Variants in OPCML observed in about 807,000 individuals in gnomAD.
The protein encoded by OPCML is opioid binding protein/cell adhesion molecule like, also known as opioid-binding protein/cell adhesion molecule.
Under a neutral mutation model 37.8 loss-of-function variants are expected in OPCML, and 13 were observed. The ratio of observed to expected loss-of-function variants is 0.34; its 90% CI spans 0.22 to 0.55. The LOEUF (loss-of-function observed/expected upper bound fraction) is 0.55, where lower values mean the gene tolerates loss of function less well. Ranked by LOEUF, OPCML falls within the 20% of genes least tolerant of loss-of-function variation. The probability of loss-of-function intolerance (pLI) is 0.91; values close to 1 mark genes in which losing one functional copy is unlikely to be tolerated. For synonymous variants in OPCML, 176 were observed against 168.8 expected (o/e 1.04, Z -0.33); for missense variants, 341 against 435.6 (o/e 0.78, Z 1.93).
chr11:132,616,528 A>G (rs1284993692), intron 3 of OPCML, among the ~76,000 whole-genome samples: 1 of 152,218 alleles, frequency 6.6e-6, no homozygotes, highest in African/African-American at 2.4e-5. Flanking sequence ...AATGCATAAA[A>G]TAAGGGAGTA....
chr11:132,554,745 G>A, intron 3 of OPCML, among the ~76,000 whole-genome samples: 1 of 151,966 alleles, frequency 6.6e-6, no homozygotes, highest in Non-Finnish European at 1.5e-5. Flanking sequence ...ATACAAAGGA[G>A]GACCCTATGA....
In OPCML at chr11:132,851,215, T is replaced by A. The variant is rs183430320; in HGVS notation, c.146+91711A>T. Among the ~76,000 whole-genome samples the A allele has an allele frequency of 1.1e-4, 17 of 152,350 alleles. No individual in the cohort carries two copies. The East Asian group carries it at 1.7e-3, about 16-fold the overall frequency. ...TGAAATATCCTTTTCACTCAACATT[T>A]CTTCCAATTTGTGTTAGTTGTTAGA... On this transcript the variant is annotated intron_variant, in intron 2 of 7. Coordinates refer to ENST00000524381, the MANE Select transcript of OPCML (RefSeq NM_001012393.5).
At chr11:132,783,924 G>A (rs1167229930) in intron 2 of OPCML, among the ~76,000 whole-genome samples, 5 of 152,238 alleles carry the variant, frequency 3.3e-5, no homozygotes, top group Admixed American at 2.0e-4. Flanking sequence ...TTACTTTTAG[G>A]TGGATATTTT....
chr11:132,893,790 A>G (rs759888150), intron 2 of OPCML, among the ~76,000 whole-genome samples: 4 of 152,244 alleles, frequency 2.6e-5, no homozygotes, highest in East Asian at 1.9e-4. Flanking sequence ...AAAGAATTTC[A>G]TATTAAACCA....
At chr11:132,725,743 TG>T (rs1454125521) in intron 2 of OPCML, among the ~76,000 whole-genome samples, 4 of 147,064 alleles carry the variant, frequency 2.7e-5, no homozygotes, top group Non-Finnish European at 5.9e-5. Flanking sequence ...ATCACGCCAC[TG>T]CACTCCAGCC....
chr11:133,458,596 CGT>C (rs375652958), intron 1 of OPCML, among the ~76,000 whole-genome samples: 2,226 of 95,664 alleles, frequency 0.023, 250 homozygotes, highest in Middle Eastern at 0.083. Context: ...CATATATACA[CGT>C]GTGTGTGTGT....
intron 2 of OPCML, among the ~76,000 whole-genome samples, chr11:132,847,333 G>GT (rs1405666959): frequency 6.6e-6 from 1 of 152,026 alleles, no homozygotes; most frequent in Admixed American, 6.6e-5. Flanking sequence ...TTGCATTAGA[G>GT]TAAGAGGTAT....
At chr11:132,969,021 T>G (rs1946279350) in intron 1 of OPCML, among the ~76,000 whole-genome samples, 1 of 152,086 alleles carries the variant, frequency 6.6e-6, no homozygotes, top group Non-Finnish European at 1.5e-5. Context: ...TTTCCATAGG[T>G]TTTTGGAAAC....
chr11:133,413,601 C>A (rs947937825), intron 1 of OPCML, among the ~76,000 whole-genome samples: 1 of 152,274 alleles, frequency 6.6e-6, no homozygotes, highest in Admixed American at 6.5e-5. Flanking sequence ...TGAAGGACAA[C>A]TGAATGGCTC....
At chr11:132,479,615 A>C (rs1395876121) in intron 4 of OPCML, among the ~76,000 whole-genome samples, 2 of 152,252 alleles carry the variant, frequency 1.3e-5, no homozygotes, top group East Asian at 3.8e-4. Flanking sequence ...CTGCAGACTT[A>C]AATGTCCCTG....
At chr11:132,898,474 A>G (rs1206963889) in intron 2 of OPCML, among the ~76,000 whole-genome samples, 1 of 152,180 alleles carries the variant, frequency 6.6e-6, no homozygotes, top group Non-Finnish European at 1.5e-5. Context: ...CACTAATCTT[A>G]CCATGCGTCC....
At chr11:132,439,712 T>C (rs11223071) in intron 4 of OPCML, among the ~76,000 whole-genome samples, 9,270 of 150,032 alleles carry the variant, frequency 0.062, 442 homozygotes, top group South Asian at 0.16. Context: ...TTTTTTTTTT[T>C]CCTGAAAGAA....
At chr11:132,798,185 C>T (rs765953183) in intron 2 of OPCML, among the ~76,000 whole-genome samples, 8 of 152,134 alleles carry the variant, frequency 5.3e-5, no homozygotes, top group Non-Finnish European at 1.0e-4. Flanking sequence ...ATTCTCCTGC[C>T]TCAGCCTCTC....
At chr11:133,482,538 G>A (rs952850703) in intron 1 of OPCML, among the ~76,000 whole-genome samples, 35 of 152,092 alleles carry the variant, frequency 2.3e-4, no homozygotes, top group Non-Finnish European at 4.7e-4. Context: ...CCGGGGCATG[G>A]CAGTGAGGGG....
rs73604543 is a variant in OPCML at position 133,427,850 on chromosome 11, A to G, written c.61+104414T>C. ...ATTCTGTCAAATTTCTTAGGAGCGT[A>G]TACTCTCCATGAAAATATCTATGTG... is the stretch of plus-strand genomic sequence containing the variant. On this transcript the variant is annotated intron_variant, in intron 1 of 7. Coordinates refer to ENST00000524381, the MANE Select transcript of OPCML (RefSeq NM_001012393.5). Among the ~76,000 whole-genome samples, 1,067 of 152,260 alleles carry G rather than the reference A, an allele frequency of 7.0e-3. 8 individuals are homozygous for G. The highest frequency in any genetic ancestry group is 0.025 in the African/African-American group (1,021 of 41,550).
chr11:133,221,034 G>A (rs181033371), intron 1 of OPCML, among the ~76,000 whole-genome samples: 8 of 152,254 alleles, frequency 5.3e-5, no homozygotes, highest in South Asian at 2.1e-4. Flanking sequence ...GCCTGAACCC[G>A]CTTTCCGTTT....
chr11:133,332,730 T>C (rs548291595), intron 1 of OPCML, among the ~76,000 whole-genome samples: 13 of 152,358 alleles, frequency 8.5e-5, no homozygotes, highest in Admixed American at 7.2e-4. Flanking sequence ...TTTTTGTTTT[T>C]AGTTCTGTTT....
chr11:132,873,748 TTA>T (rs925125034), intron 2 of OPCML, among the ~76,000 whole-genome samples: 35 of 149,622 alleles, frequency 2.3e-4, no homozygotes, highest in Non-Finnish European at 4.9e-4. Flanking sequence ...AAGGTAATAT[TTA>T]TGTTTTTAAA....
Position 133,180,721 on chromosome 11 carries a change from C to T in OPCML, c.62-237711G>A, listed in dbSNP as rs555705210. ...CCTGCAGAATAGGTATGACATCGCT[C>T]GCCCTCATTAAGGCTGTGAAGGCTG... On this transcript the variant is annotated intron_variant, in intron 1 of 7. Coordinates refer to ENST00000524381, the MANE Select transcript of OPCML (RefSeq NM_001012393.5). Among the ~76,000 whole-genome samples the T allele has an allele frequency of 1.6e-4, 25 of 152,002 alleles. No individual in the cohort carries two copies. In the South Asian group the frequency reaches 5.0e-3, roughly 30 times the overall value.
Sources: gnomAD v4.1 joint callset for allele counts (sites outside exome capture counted in the v4.1 genomes callset) on GRCh38, gnomAD v4.1.1 for gene constraint, MANE v1.5 for transcripts, NCBI Gene and HGNC (gene_info 2026-07-23, HGNC 2026-07-21) for gene names.